Variants in PCDHGA7 observed in about 807,000 individuals in gnomAD.
The protein encoded by PCDHGA7 is protocadherin gamma-A7.
PCDHGA7 carries 44 observed loss-of-function variants against 58.3 expected under a neutral mutation model. The ratio of observed to expected loss-of-function variants is 0.75; its 90% CI spans 0.59 to 0.97. The LOEUF is 0.97. Ranked by LOEUF, PCDHGA7 falls within the 50% of genes least tolerant of loss-of-function variation. The probability of loss-of-function intolerance (pLI) is 0.00; values close to 1 mark genes in which losing one functional copy is unlikely to be tolerated. For missense variants in PCDHGA7, 1,266 were observed against 1,188.7 expected (o/e 1.06, Z -0.96); for synonymous variants, 516 against 504.2 (o/e 1.02, Z -0.31).
chr5:141,398,663 C>T (rs2150753348), intron 1 of PCDHGA7: 2 of 1,614,016 alleles, frequency 1.2e-6, no homozygotes, highest in Non-Finnish European at 1.7e-6. Context: ...CCAAGTTTCT[C>T]ATTAATAATT....
intron 2 of PCDHGA7, among the ~76,000 whole-genome samples, chr5:141,500,614 C>T (rs1300242596): frequency 1.3e-5 from 2 of 152,204 alleles, no homozygotes; most frequent in African/African-American, 4.8e-5. Context: ...TATTCCCAGT[C>T]ATACGGTACA....
chr5:141,424,052 G>A, intron 1 of PCDHGA7: 1 of 1,012,010 alleles, frequency 9.9e-7, no homozygotes, highest in South Asian at 4.7e-5. Flanking sequence ...CAATTTTGCT[G>A]TGCCTTCACT....
intron 1 of PCDHGA7, among the ~76,000 whole-genome samples, chr5:141,450,682 T>C (rs112841569): frequency 0.042 from 6,384 of 151,996 alleles, 168 homozygotes; most frequent in Middle Eastern, 0.086. Context: ...AAACGGGGTT[T>C]TGCCATGTTG....
In PCDHGA7 at chr5:141,419,962, GCT is replaced by G. The variant is rs1374844110; in HGVS notation, c.2424+34642_2424+34643del. ...TGGTGGCCTTGGCCTTGATTTCTGTGCTCTTTCTCCTCGCGGTGATTCTAGCT... is the reference window on the plus strand; with the variant it reads ...TGGTGGCCTTGGCCTTGATTTCTGTGCTTTCTCCTCGCGGTGATTCTAGCT... On this transcript the variant is annotated intron_variant, in intron 1 of 3. Coordinates refer to ENST00000518325, the MANE Select transcript of PCDHGA7 (RefSeq NM_018920.4). The G allele has an allele frequency of 3.1e-6, 5 of 1,613,974 alleles. No homozygotes were observed. In the African/African-American group the frequency reaches 4.0e-5, roughly 13 times the overall value.
At chr5:141,424,080 C>T (rs2096798143) in intron 1 of PCDHGA7, 1 of 970,378 alleles carries the variant, frequency 1.0e-6, no homozygotes, top group Admixed American at 6.0e-5. Context: ...AGTTATATTC[C>T]ACCATTATTT....
At chr5:141,404,661 A>G (rs930319561) in intron 1 of PCDHGA7, 1 of 1,614,098 alleles carries the variant, frequency 6.2e-7, no homozygotes. Context: ...CTCCCCACTG[A>G]TGGTTCTACT....
At chr5:141,430,680 C>G (rs990086941) in intron 1 of PCDHGA7, 8 of 1,343,124 alleles carry the variant, frequency 6.0e-6, no homozygotes, top group Non-Finnish European at 8.0e-6. Context: ...TCCCAACTGT[C>G]CCATTCTATG....
chr5:141,478,465 C>T (rs768021356), intron 1 of PCDHGA7: 6 of 1,613,730 alleles, frequency 3.7e-6, no homozygotes, highest in Non-Finnish European at 5.1e-6. Context: ...GTCCACTGGC[C>T]AGCCGCCAGA....
At chr5:141,413,222 G>T in intron 1 of PCDHGA7, 1 of 1,613,796 alleles carries the variant, frequency 6.2e-7, no homozygotes, top group Admixed American at 1.7e-5. Flanking sequence ...GATTGCAGCG[G>T]GCTGGTCCTG....
intron 1 of PCDHGA7, chr5:141,413,249 G>A (rs756270877): frequency 6.8e-6 from 11 of 1,613,832 alleles, no homozygotes; most frequent in Non-Finnish European, 9.3e-6. Flanking sequence ...CTTTTCTTCG[G>A]GATTCCATGG....
chr5:141,403,950 T>C (rs771679747), intron 1 of PCDHGA7: 13 of 1,613,706 alleles, frequency 8.1e-6, no homozygotes, highest in Non-Finnish European at 1.1e-5. Context: ...TGGACAAAAG[T>C]GCTCATTTCG....
intron 1 of PCDHGA7, among the ~76,000 whole-genome samples, chr5:141,452,276 C>A (rs1160292593): frequency 2.6e-5 from 4 of 152,172 alleles, no homozygotes; most frequent in Admixed American, 6.5e-5. Flanking sequence ...TGAACCCTTT[C>A]TTACTTTCTG....
intron 1 of PCDHGA7, chr5:141,415,500 C>G (rs754684999): frequency 6.2e-6 from 10 of 1,614,074 alleles, no homozygotes; most frequent in Non-Finnish European, 8.5e-6. Context: ...TGATCTTCCC[C>G]CAGCCCAATT....
chr5:141,421,239 G>C, intron 1 of PCDHGA7: 1 of 1,599,000 alleles, frequency 6.3e-7, no homozygotes, highest in South Asian at 1.1e-5. Flanking sequence ...TGGCGAATCG[G>C]CTACAGCGCG....
chr5:141,474,955 T>C (rs2099356879), intron 1 of PCDHGA7, among the ~76,000 whole-genome samples: 1 of 152,254 alleles, frequency 6.6e-6, no homozygotes, highest in African/African-American at 2.4e-5. Context: ...TTTTATTCAC[T>C]ATCCTAATCA....
At chr5:141,468,077 C>T (rs180732917) in intron 1 of PCDHGA7, among the ~76,000 whole-genome samples, 1 of 152,152 alleles carries the variant, frequency 6.6e-6, no homozygotes, top group East Asian at 1.9e-4. Flanking sequence ...GTAATCCCAG[C>T]ACTTTGGGAG....
In PCDHGA7 at chr5:141,431,183, A is replaced by G. The variant is rs1467232519; in HGVS notation, c.2424+45860A>G. Reference sequence around the variant, plus strand: ...TCGTGAAAGTGAATTAGAAATAAAAATTAGTGAAAATGCAGCCACTGAGAT... The same window carrying G: ...TCGTGAAAGTGAATTAGAAATAAAAGTTAGTGAAAATGCAGCCACTGAGAT... On this transcript the variant is annotated intron_variant, in intron 1 of 3. Transcript: ENST00000518325. The surrounding 1 kb of genome is among the most constrained non-coding windows in gnomAD (Gnocchi z 4.8). 1 of 1,614,218 alleles carries G rather than the reference A, an allele frequency of 6.2e-7. No individual in the cohort carries two copies. The highest frequency in any genetic ancestry group is 2.2e-5 in the East Asian group (1 of 44,880).
chr5:141,446,854 C>T (rs1474444931), intron 1 of PCDHGA7, among the ~76,000 whole-genome samples: 1 of 152,134 alleles, frequency 6.6e-6, no homozygotes, highest in Non-Finnish European at 1.5e-5. Context: ...AATAAGCTTC[C>T]TGATAGCTCT....
chr5:141,395,158 A>G, intron 1 of PCDHGA7: 2 of 1,614,208 alleles, frequency 1.2e-6, no homozygotes, highest in Non-Finnish European at 1.7e-6. Context: ...CTCATCAGTC[A>G]GGAGGGCTGT....
Sources: allele counts gnomAD v4.1 joint callset (sites outside exome capture counted in the v4.1 genomes callset), GRCh38; gene constraint gnomAD v4.1.1; non-coding constraint Gnocchi (gnomAD v3.1); transcripts MANE v1.5; gene names NCBI Gene and HGNC (gene_info 2026-07-23, HGNC 2026-07-21).